The following CHST6 variants were observed in gnomAD, a reference collection of about 807,000 sequenced individuals.
The protein encoded by CHST6 is N-acetylglucosamine 6-O-sulfotransferase 5.
For synonymous variants in CHST6, 309 were observed against 276.4 expected, an observed-to-expected ratio of 1.12 and a Z score of -1.17; for missense variants, 698 against 586.2, an observed-to-expected ratio of 1.19 and a Z score of -1.97.
rs2080101150 is a variant in CHST6 at position 75,478,970 on chromosome 16, G to A, written c.859C>T (p.Leu287Phe). 1 of 1,613,006 alleles carries A rather than the reference G, an allele frequency of 6.2e-7. No individual in the cohort carries two copies. Among genetic ancestry groups the A allele is most frequent in the African/African-American group, 1.3e-5 (1 of 75,070 alleles). ...AREPLAEIRA[L>F]YAFTGLSLTP... ...AGACTGAGCCCAGTGAAGGCGTAGA[G>A]CGCACGGATTTCTGCCAGCGGCTCC... Residue 287 changes from leucine to phenylalanine, a missense_variant, in exon 3 of 3, where the codon CTC becomes TTC. Coordinates refer to ENST00000332272, the MANE Select transcript of CHST6 (RefSeq NM_021615.5).
intron 1 of CHST6, among the ~76,000 whole-genome samples, chr16:75,486,180 G>A (rs946688228): frequency 1.3e-5 from 2 of 152,224 alleles, no homozygotes; most frequent in Admixed American, 6.5e-5. Flanking sequence ...CTCTGTGCCT[G>A]TCAAGGCATG....
rs2080118958 is a variant in CHST6 at position 75,479,810 on chromosome 16, AGACGC to A, written c.14_18del (p.Arg5LeufsTer102). 6.4e-7 allele frequency: 1 copy of A among 1,565,556 alleles called. No homozygotes were observed. The highest frequency in any genetic ancestry group is 1.9e-5 in the Admixed American group (1 of 52,122). Reference sequence around the variant, plus strand: ...AGGAGCGCGGTCACTGCTGTGCTGGAGACGCGCGGCAGCCACATGCTGACTGCTGG... The same window carrying A: ...AGGAGCGCGGTCACTGCTGTGCTGGAGCGGCAGCCACATGCTGACTGCTGG... On this transcript the variant is annotated frameshift_variant, in exon 3 of 3. Transcript: ENST00000332272. LOFTEE classifies it low-confidence loss of function (END_TRUNC).
At position 75,474,267 on chromosome 16, in the gene CHST6, T is replaced by TA. The variant is rs775614448; in HGVS notation, c.*4373dup. 1.9e-4 allele frequency: 50 copies of TA among 260,166 alleles called. No homozygotes were observed. Among genetic ancestry groups the TA allele is most frequent in the East Asian group, 6.6e-4 (10 of 15,072 alleles). 16.1% of individuals were successfully genotyped at this position (260,166 alleles called of 1,614,324 possible). A position where few individuals can be genotyped will look rare whatever the true frequency, so the allele number is the denominator to read the frequency against. On this transcript the variant is annotated 3_prime_UTR_variant, in exon 3 of 3. Transcript: ENST00000332272. ...AATCTGTTTTGTTTTGCTATAACAATACCACAGATGGGGTCATTTATTTAG... is the reference window on the plus strand; with the variant it reads ...AATCTGTTTTGTTTTGCTATAACAATAACCACAGATGGGGTCATTTATTTAG...
In CHST6 at chr16:75,479,395, C is replaced by CT; in HGVS notation, c.433dup (p.Ser145LysfsTer77). 1.2e-6 allele frequency: 2 copies of CT among 1,612,774 alleles called. No homozygotes were observed. Among genetic ancestry groups the CT allele is most frequent in the Non-Finnish European group, 1.7e-6 (2 of 1,179,822 alleles). ...GCACAGTGGCTTGCACACGGCCTCG[C>CT]TGCTGATGGCGCCTCGGGGAAAGGC... is the stretch of plus-strand genomic sequence containing the variant. On this transcript the variant is annotated frameshift_variant, in exon 3 of 3. Coordinates refer to ENST00000332272, the MANE Select transcript of CHST6 (RefSeq NM_021615.5). LOFTEE classifies it low-confidence loss of function (END_TRUNC).
chr16:75,485,502 C>T (rs2080186653), intron 1 of CHST6, among the ~76,000 whole-genome samples: 2 of 152,186 alleles, frequency 1.3e-5, no homozygotes, highest in Admixed American at 1.3e-4. Context: ...GAGCAAAACA[C>T]TCCAGCTCAC....
rs1384245947 is a variant in CHST6 at position 75,491,218 on chromosome 16, T to TATATAA, written c.-92+3721_-92+3722insTTATAT. Reference sequence around the variant, plus strand: ...ATATATATATATATATATATATATATAAAATATAATATACTTATATATAAT... The same window carrying TATATAA: ...ATATATATATATATATATATATATATATATAAAAAATATAATATACTTATATATAAT... On this transcript the variant is annotated intron_variant, in intron 1 of 2. Coordinates refer to ENST00000332272, the MANE Select transcript of CHST6 (RefSeq NM_021615.5). Among the ~76,000 whole-genome samples the TATATAA allele has an allele frequency of 3.8e-3, 375 of 97,494 alleles. 13 individuals carry two copies. The East Asian group carries it at 0.059, about 15-fold the overall frequency. 64.0% of individuals were successfully genotyped at this position (97,494 alleles called of 152,430 possible).
Position 75,478,054 on chromosome 16 carries a change from A to T in CHST6, c.*587T>A, listed in dbSNP as rs1478035382. The T allele has an allele frequency of 1.2e-5, 2 of 166,580 alleles. No homozygotes were observed. Among genetic ancestry groups the T allele is most frequent in the Non-Finnish European group, 2.6e-5 (2 of 75,916 alleles). 10.3% of individuals were successfully genotyped at this position (166,580 alleles called of 1,614,324 possible). On this transcript the variant is annotated 3_prime_UTR_variant, in exon 3 of 3. Transcript: ENST00000332272. ...ACTCTGCTTGCTCTTCCCTAAAGCAATTAAAATAGGAAAATCTGACCCTTC... is the reference window on the plus strand; with the variant it reads ...ACTCTGCTTGCTCTTCCCTAAAGCATTTAAAATAGGAAAATCTGACCCTTC...
chr16:75,472,542 G>GT lies in CHST6; in HGVS notation c.*6098dup, dbSNP rs1450580346. ...AAAGAAGTGCAGACTGAAACATCAA[G>GT]TAACATTTTTCACCCATCAGGTAGG... On this transcript the variant is annotated 3_prime_UTR_variant, in exon 3 of 3. Transcript: ENST00000332272. 1.3e-5 allele frequency: 2 copies of GT among 152,226 alleles called. No homozygotes were observed. Among genetic ancestry groups the GT allele is most frequent in the Admixed American group, 1.3e-4 (2 of 15,280 alleles). The allele number at this position is 152,226 out of a possible 1,614,324, so 9.4% of individuals were successfully genotyped here.
intron 1 of CHST6, among the ~76,000 whole-genome samples, chr16:75,484,342 GTAAA>G (rs921260009): frequency 1.3e-5 from 2 of 151,162 alleles, no homozygotes; most frequent in African/African-American, 2.4e-5. Flanking sequence ...GTCTCAAAAA[GTAAA>G]TAAATAAATA....
At chr16:75,491,165 T>TAAAAAA (rs1168619782) in intron 1 of CHST6, among the ~76,000 whole-genome samples, 8 of 26,362 alleles carry the variant, frequency 3.0e-4, no homozygotes, top group East Asian at 8.7e-4. Flanking sequence ...AACTCCGTCT[T>TAAAAAA]AAAAAAAAAA....
intron 1 of CHST6, among the ~76,000 whole-genome samples, chr16:75,482,617 G>C (rs1178142021): frequency 6.6e-6 from 1 of 152,162 alleles, no homozygotes; most frequent in East Asian, 1.9e-4. Flanking sequence ...CGCATTCCAA[G>C]GTCCCAAAGT....
At position 75,479,570 on chromosome 16, in the gene CHST6, T is replaced by A. The variant is rs373792995; in HGVS notation, c.259A>T (p.Thr87Ser). 6.8e-6 allele frequency: 11 copies of A among 1,612,984 alleles called. No individual in the cohort carries two copies. The highest frequency in any genetic ancestry group is 9.3e-6 in the Non-Finnish European group (11 of 1,179,886). Residue 87 changes from threonine to serine, a missense_variant, in exon 3 of 3, where the codon ACG becomes TCG. Transcript: ENST00000332272. Reference sequence around the variant, plus strand: ...AGGTCGCGCACAGCCATGTGCAGCGTTGCGGCGCTGCCCTGCGACAGGGTG... The same window carrying A: ...AGGTCGCGCACAGCCATGTGCAGCGATGCGGCGCTGCCCTGCGACAGGGTG... ...WTTLSQGSAA[T>S]LHMAVRDLVR...
chr16:75,479,850 G>C lies in CHST6; in HGVS notation c.-16-6C>G. ...ACATGCTGACTGCTGGGGGCCTTAG[G>C]GAGGAGAGCGCAGCGGTTAGGGGCT... On this transcript the variant is annotated splice_region_variant and splice_polypyrimidine_tract_variant and intron_variant, in intron 2 of 2. Coordinates refer to ENST00000332272, the MANE Select transcript of CHST6 (RefSeq NM_021615.5). 1 of 1,543,302 alleles carries C rather than the reference G, an allele frequency of 6.5e-7. No homozygotes were observed. The highest frequency in any genetic ancestry group is 8.7e-7 in the Non-Finnish European group (1 of 1,147,640).
rs772853735 is a variant in CHST6 at position 75,479,789 on chromosome 16, G to A, written c.40C>T (p.Leu14Phe). 2 of 1,583,764 alleles carry A rather than the reference G, an allele frequency of 1.3e-6. No homozygotes were observed. Among genetic ancestry groups the A allele is most frequent in the African/African-American group, 1.3e-5 (1 of 74,766 alleles). ...AGGAGGAAGGTCTGCGCCAGGAGGAGCGCGGTCACTGCTGTGCTGGAGACG... is the reference window on the plus strand; with the variant it reads ...AGGAGGAAGGTCTGCGCCAGGAGGAACGCGGTCACTGCTGTGCTGGAGACG... ...PRVSSTAVTA[L>F]LLAQTFLLLF... Residue 14 changes from leucine to phenylalanine, a missense_variant, in exon 3 of 3, where the codon CTC (leucine) becomes TTC (phenylalanine). Transcript: ENST00000332272.
intron 1 of CHST6, among the ~76,000 whole-genome samples, chr16:75,485,654 A>C (rs529310437): frequency 6.6e-6 from 1 of 152,240 alleles, no homozygotes; most frequent in Non-Finnish European, 1.5e-5. Context: ...TGTGAAAAGT[A>C]GAACAAAAAA....
chr16:75,489,454 A>G (rs116488817), intron 1 of CHST6, among the ~76,000 whole-genome samples: 3,920 of 151,764 alleles, frequency 0.026, 203 homozygotes, highest in African/African-American at 0.089. Flanking sequence ...AAGAATTCAC[A>G]CAGTGGCTGC....
Position 75,478,999 on chromosome 16 carries a change from G to A in CHST6, c.830C>T (p.Ala277Val), listed in dbSNP as rs1567408735. The A allele has an allele frequency of 1.9e-6, 3 of 1,612,008 alleles. No individual in the cohort carries two copies. Among genetic ancestry groups the A allele is most frequent in the Admixed American group, 1.7e-5 (1 of 60,008 alleles). ...RYRLVRFEDL[A>V]REPLAEIRAL... is the part of the protein sequence containing the mutation. Reference sequence around the variant, plus strand: ...ACGGATTTCTGCCAGCGGCTCCCGCGCCAGGTCCTCGAAGCGCACCAGGCG... The same window carrying A: ...ACGGATTTCTGCCAGCGGCTCCCGCACCAGGTCCTCGAAGCGCACCAGGCG... The change falls in exon 3 of 3, where the codon GCG becomes GTG. Residue 277 changes from alanine (A) to valine (V), a missense_variant. Transcript: ENST00000332272.
chr16:75,487,911 G>A (rs756431204), intron 1 of CHST6, among the ~76,000 whole-genome samples: 19 of 151,790 alleles, frequency 1.3e-4, no homozygotes, highest in South Asian at 1.0e-3. Context: ...CAGGAGAATC[G>A]CTGGAACCCA....
intron 1 of CHST6, among the ~76,000 whole-genome samples, chr16:75,485,945 C>T (rs1317453079): frequency 1.3e-5 from 2 of 152,228 alleles, no homozygotes; most frequent in African/African-American, 4.8e-5. Flanking sequence ...CCATCTTGTA[C>T]AGTTGCCCCC....
Sources: allele counts gnomAD v4.1 joint callset (sites outside exome capture counted in the v4.1 genomes callset), GRCh38; gene constraint gnomAD v4.1.1; transcripts MANE v1.5; gene names NCBI Gene and HGNC (gene_info 2026-07-23, HGNC 2026-07-21).